The following EIF4EBP1 variants were observed in gnomAD, a reference collection of about 807,000 sequenced individuals.
EIF4EBP1 encodes eukaryotic translation initiation factor 4E binding protein 1.
EIF4EBP1 carries 5 observed loss-of-function variants against 9.2 expected under a neutral mutation model. That is an observed-to-expected ratio of 0.54 (90% confidence interval 0.28 to 1.14). EIF4EBP1 has a LOEUF of 1.14. EIF4EBP1 is among the 50% of genes most tolerant of loss of function. EIF4EBP1 has a pLI of 0.09. For missense variants in EIF4EBP1, 139 were observed against 169.6 expected (o/e 0.82, Z 1.00); for synonymous variants, 62 against 67.0 (o/e 0.93, Z 0.36).
intron 1 of EIF4EBP1, among the ~76,000 whole-genome samples, chr8:38,038,607 A>G (rs866773106): frequency 6.6e-6 from 1 of 151,836 alleles, no homozygotes; most frequent in East Asian, 1.9e-4. Flanking sequence ...GGCTCAAGCA[A>G]TCCTCCCACC....
At chr8:38,033,062 C>CTTTTTTTTTTTT (rs765781155) in intron 1 of EIF4EBP1, among the ~76,000 whole-genome samples, 6 of 125,458 alleles carry the variant, frequency 4.8e-5, no homozygotes, top group Admixed American at 1.7e-4. Context: ...TTCTTTCTTT[C>CTTTTTTTTTTTT]TTTTTTTTTT....
intron 1 of EIF4EBP1, among the ~76,000 whole-genome samples, chr8:38,031,727 TC>T: frequency 6.6e-6 from 1 of 152,172 alleles, no homozygotes; most frequent in East Asian, 1.9e-4. Flanking sequence ...CGCGGCCAGA[TC>T]CGAGGTCCTC....
At chr8:38,057,520 G>A (rs75668368) in intron 2 of EIF4EBP1, among the ~76,000 whole-genome samples, 1,987 of 152,292 alleles carry the variant, frequency 0.013, 38 homozygotes, top group African/African-American at 0.046. Context: ...AATTAGCGGG[G>A]AGTTTGTTTG....
intron 1 of EIF4EBP1, among the ~76,000 whole-genome samples, chr8:38,037,462 C>A (rs969666071): frequency 4.6e-5 from 7 of 151,994 alleles, no homozygotes; most frequent in South Asian, 4.1e-4. Context: ...ATTACAGGCA[C>A]GCACCACCAC....
Position 38,036,323 on chromosome 8 carries a change from ACATGGTGAAACCC to A in EIF4EBP1, c.145+5609_145+5621del, listed in dbSNP as rs199974009. 7.6e-3 allele frequency among the ~76,000 whole-genome samples: 1,157 copies of A among 152,090 alleles called. 10 individuals carry two copies. The highest frequency in any genetic ancestry group is 0.026 in the African/African-American group (1,076 of 41,478). On this transcript the variant is annotated intron_variant, in intron 1 of 2. Coordinates refer to ENST00000338825, the MANE Select transcript of EIF4EBP1 (RefSeq NM_004095.4). ...CAGGAGTTCAAGACCAGCTTGGCCA[ACATGGTGAAACCC>A]CATCTCTAATAAAAATACAAAAAAA...
chr8:38,038,586 T>C (rs1349519562), intron 1 of EIF4EBP1, among the ~76,000 whole-genome samples: 3 of 149,270 alleles, frequency 2.0e-5, no homozygotes, highest in Non-Finnish European at 3.0e-5. Flanking sequence ...CACTGCAACC[T>C]CCGCCTCTCA....
At chr8:38,033,022 G>A (rs950084389) in intron 1 of EIF4EBP1, among the ~76,000 whole-genome samples, 5 of 151,516 alleles carry the variant, frequency 3.3e-5, no homozygotes, top group Admixed American at 2.6e-4. Context: ...TGTAGGTGGG[G>A]GTGGGAACTA....
At chr8:38,035,222 T>C (rs1809282713) in intron 1 of EIF4EBP1, among the ~76,000 whole-genome samples, 1 of 152,120 alleles carries the variant, frequency 6.6e-6, no homozygotes, top group Non-Finnish European at 1.5e-5. Flanking sequence ...CTTTTTATTA[T>C]TATTATTATT....
intron 1 of EIF4EBP1, among the ~76,000 whole-genome samples, chr8:38,056,435 G>A (rs909450355): frequency 6.6e-6 from 1 of 152,158 alleles, no homozygotes; most frequent in African/African-American, 2.4e-5. Flanking sequence ...TTCCACCGTG[G>A]TATGTGATTG....
At chr8:38,057,915 T>TG (rs1325587846) in intron 2 of EIF4EBP1, among the ~76,000 whole-genome samples, 13 of 152,168 alleles carry the variant, frequency 8.5e-5, no homozygotes, top group Non-Finnish European at 1.8e-4. Flanking sequence ...GGCAGAGTGT[T>TG]GGAGTTCTCT....
intron 1 of EIF4EBP1, among the ~76,000 whole-genome samples, chr8:38,054,814 T>G (rs1809574171): frequency 6.6e-6 from 1 of 152,186 alleles, no homozygotes; most frequent in East Asian, 1.9e-4. Context: ...GCTCTCCATT[T>G]GTAATCTGGG....
At chr8:38,039,182 A>G (rs13256052) in intron 1 of EIF4EBP1, among the ~76,000 whole-genome samples, 115,646 of 151,802 alleles carry the variant, frequency 0.76, 44,153 homozygotes, top group Middle Eastern at 0.87. Flanking sequence ...GTGAGCCACC[A>G]CACCCAGCCA....
intron 1 of EIF4EBP1, among the ~76,000 whole-genome samples, chr8:38,050,331 T>A (rs540066127): frequency 7.7e-4 from 117 of 152,310 alleles, no homozygotes; most frequent in African/African-American, 2.6e-3. Flanking sequence ...AACATTTGAC[T>A]GGTTGGTTTT....
intron 1 of EIF4EBP1, among the ~76,000 whole-genome samples, chr8:38,044,585 C>T (rs1464184939): frequency 6.6e-6 from 1 of 152,160 alleles, no homozygotes; most frequent in Non-Finnish European, 1.5e-5. Flanking sequence ...ATCATAGGCG[C>T]ACGCCATCAT....
intron 1 of EIF4EBP1, among the ~76,000 whole-genome samples, chr8:38,043,868 AC>A (rs1700585005): frequency 6.6e-6 from 1 of 151,846 alleles, no homozygotes; most frequent in South Asian, 2.1e-4. Flanking sequence ...CAGGATTTCC[AC>A]CCCGGCAGTT....
At chr8:38,042,919 C>T (rs1563415704) in intron 1 of EIF4EBP1, among the ~76,000 whole-genome samples, 1 of 152,066 alleles carries the variant, frequency 6.6e-6, no homozygotes, top group Non-Finnish European at 1.5e-5. Flanking sequence ...CAAAAAATTA[C>T]CCAGGCGTGG....
chr8:38,053,322 T>TTTTTG (rs1225261979), intron 1 of EIF4EBP1, among the ~76,000 whole-genome samples: 4 of 152,026 alleles, frequency 2.6e-5, no homozygotes, highest in African/African-American at 9.7e-5. Flanking sequence ...CTGGCCTGTT[T>TTTTTG]TTTTGTTTTG....
At chr8:38,058,560 C>G (rs1177677104) in intron 2 of EIF4EBP1, among the ~76,000 whole-genome samples, 1 of 152,198 alleles carries the variant, frequency 6.6e-6, no homozygotes, top group Non-Finnish European at 1.5e-5. Flanking sequence ...CCTGGACCCC[C>G]CAAACTCATG....
At chr8:38,038,507 C>CA (rs71216646) in intron 1 of EIF4EBP1, among the ~76,000 whole-genome samples, 121,771 of 127,176 alleles carry the variant, frequency 0.96, 58,410 homozygotes, top group South Asian at 0.99. Context: ...GACTCCATCT[C>CA]AAAAAAAAAA....
Sources: gnomAD v4.1 joint callset for allele counts (sites outside exome capture counted in the v4.1 genomes callset) on GRCh38, gnomAD v4.1.1 for gene constraint, MANE v1.5 for transcripts, NCBI Gene and HGNC (gene_info 2026-07-23, HGNC 2026-07-21) for gene names.